The following STXBP2 variants were observed in gnomAD, a reference collection of about 807,000 sequenced individuals.
STXBP2 encodes syntaxin-binding protein 2.
Under a neutral mutation model 72.2 loss-of-function variants are expected in STXBP2, and 47 were observed. The observed-to-expected ratio is 0.65, with a 90% CI of 0.51 to 0.83. The LOEUF is 0.83. Among genes scored for constraint, STXBP2 ranks in the 40% least tolerant of loss-of-function variants. The pLI is 0.00. For missense variants in STXBP2, 702 were observed against 807.6 expected (o/e 0.87, Z 1.58); for synonymous variants, 367 against 338.7 (o/e 1.08, Z -0.92).
intron 15 of STXBP2, chr19:7,645,512 AG>A: frequency 1.7e-6 from 1 of 573,864 alleles, no homozygotes; most frequent in Non-Finnish European, 3.1e-6. Context: ...CACAATAGGC[AG>A]GGGAAGTGAG....
chr19:7,630,565 CA>C, the STXBP2 span: 2 of 1,535,326 alleles, frequency 1.3e-6, no homozygotes, highest in South Asian at 2.4e-5. Context: ...CACCCTCTGC[CA>C]TTCCAGATGA....
At chr19:7,629,948 G>A in the STXBP2 span, 4 of 1,383,888 alleles carry the variant, frequency 2.9e-6, no homozygotes, top group Non-Finnish European at 3.8e-6. Flanking sequence ...GACTTCAAAG[G>A]AAGAGGGAGC....
intron 4 of STXBP2, 71 bp from the exon 5 acceptor site, chr19:7,640,660 C>T (rs1028098467): frequency 3.8e-6 from 6 of 1,597,788 alleles, no homozygotes; most frequent in Non-Finnish European, 4.3e-6. Context: ...TGGGGGGTGG[C>T]TGGGAGGCCT....
At chr19:7,641,989 ACCCCATC>A (rs1178146713) in intron 7 of STXBP2, 38 bp from the exon 8 acceptor site, 1 of 1,610,914 alleles carries the variant, frequency 6.2e-7, no homozygotes, top group South Asian at 1.1e-5. Context: ...CCCATCCTTG[ACCCCATC>A]CCCTGATGAT....
At chr19:7,644,464 C>T (rs1306131143) in intron 13 of STXBP2, 150 bp from the exon 14 acceptor site, 1 of 1,038,714 alleles carries the variant, frequency 9.6e-7, no homozygotes, top group African/African-American at 1.6e-5. Flanking sequence ...TGTCCCTGGA[C>T]AGGGGTGGGA....
chr19:7,646,614 A>T, intron 16 of STXBP2: 1 of 538,690 alleles, frequency 1.9e-6, no homozygotes, highest in Non-Finnish European at 3.4e-6. Context: ...CCTGTCCCGC[A>T]GGAGTGCCCC....
At chr19:7,644,545 T>G (rs990951912) in intron 13 of STXBP2, 69 bp from the exon 14 acceptor site, 7 of 1,595,756 alleles carry the variant, frequency 4.4e-6, no homozygotes, top group Non-Finnish European at 5.1e-6. Flanking sequence ...GGGGATGTCC[T>G]TGGCCCGCCT....
In STXBP2 at chr19:7,640,281, C is replaced by T. The variant is rs546131747; in HGVS notation, c.247-450C>T. ...GTGTGTATGCGTGTATATGTATGTGCATCTGTGTGCATGTGTCTATGTATG... is the reference window on the plus strand; with the variant it reads ...GTGTGTATGCGTGTATATGTATGTGTATCTGTGTGCATGTGTCTATGTATG... On this transcript the variant is annotated intron_variant, in intron 4 of 18. Coordinates refer to ENST00000221283, the MANE Select transcript of STXBP2 (RefSeq NM_006949.4). 1.8e-4 allele frequency: 91 copies of T among 499,596 alleles called. No homozygotes were observed. In the African/African-American group the frequency reaches 1.9e-3, roughly 10 times the overall value. The allele number at this position is 499,596 out of a possible 1,614,324, so 30.9% of individuals were successfully genotyped here. A position where few individuals can be genotyped will look rare whatever the true frequency, so the allele number is the denominator to read the frequency against.
In STXBP2 at chr19:7,643,003, C is replaced by G; in HGVS notation, c.981C>G (p.Ser327=). The part of the protein sequence containing the change: ...TTDKANIKDL[S]QILKKMPQYQ... ...CCCAGGCGAACATCAAAGACCTATC[C>G]CAGATCCTGAAAAAGATGCCGCAGT... The change falls in exon 12 of 19, where the codon TCC becomes TCG. Residue 327 remains serine, a synonymous_variant. Coordinates refer to ENST00000221283, the MANE Select transcript of STXBP2 (RefSeq NM_006949.4). 2.5e-6 allele frequency: 4 copies of G among 1,614,142 alleles called. No individual in the cohort carries two copies. The highest frequency in any genetic ancestry group is 3.4e-6 in the Non-Finnish European group (4 of 1,180,020).
rs1783721459 is a variant in STXBP2 at position 7,640,962 on chromosome 19, T to C, written c.388T>C (p.Leu130=). 2 of 1,614,174 alleles carry C rather than the reference T, an allele frequency of 1.2e-6. No homozygotes were observed. The highest frequency in any genetic ancestry group is 2.7e-5 in the African/African-American group (2 of 75,038). The change falls in exon 6 of 19, where the codon TTG becomes CTG. Residue 130 remains leucine (L), a synonymous_variant. Transcript: ENST00000221283. Reference sequence around the variant, plus strand: ...TCGTCTGGCAAAGGTGGTGAAGACGTTGAAGGAGATTCACCTTGCCTTCCT... The same window carrying C: ...TCGTCTGGCAAAGGTGGTGAAGACGCTGAAGGAGATTCACCTTGCCTTCCT... ...RSRLAKVVKT[L]KEIHLAFLPY...
chr19:7,643,482 G>A (rs561641797), intron 13 of STXBP2, among the ~76,000 whole-genome samples: 3 of 152,266 alleles, frequency 2.0e-5, no homozygotes, highest in South Asian at 4.1e-4. Flanking sequence ...GTCAGACTTG[G>A]GTGAGGGGCA....
chr19:7,632,817 T>C, upstream of STXBP2: 2 of 1,554,284 alleles, frequency 1.3e-6, no homozygotes, highest in Non-Finnish European at 1.7e-6. The surrounding 1 kb of genome is among the most constrained non-coding windows in gnomAD (Gnocchi z 5.2). Context: ...GCCCTCCTGG[T>C]CTGGGGAGCC....
intron 4 of STXBP2, chr19:7,640,402 A>C: frequency 1.8e-6 from 1 of 544,974 alleles, no homozygotes; most frequent in Non-Finnish European, 3.3e-6. Context: ...ATGTGTGTAT[A>C]TGTGTGTATG....
the STXBP2 span, chr19:7,630,314 T>C: frequency 1.8e-6 from 1 of 546,594 alleles, no homozygotes; most frequent in South Asian, 2.2e-5. Flanking sequence ...TGATTGTAGC[T>C]GGGGCGTCTG....
chr19:7,640,318 G>A, intron 4 of STXBP2: 2 of 558,318 alleles, frequency 3.6e-6, no homozygotes, highest in South Asian at 1.6e-5. Context: ...GTGTGCATCT[G>A]TGTGTGCGTG....
upstream of STXBP2, chr19:7,633,018 C>T (rs550182399): frequency 3.7e-5 from 53 of 1,431,378 alleles, no homozygotes; most frequent in East Asian, 6.8e-4. Context: ...TTCCCAATCC[C>T]GGCCCCCGCC....
chr19:7,637,674 T>G (rs1220894728), intron 1 of STXBP2, among the ~76,000 whole-genome samples: 2 of 152,114 alleles, frequency 1.3e-5, no homozygotes, highest in African/African-American at 4.8e-5. Flanking sequence ...CAGGAGCGCC[T>G]TGCAGCTGGA....
At chr19:7,633,259 A>G, upstream of STXBP2, 3 of 876,466 alleles carry the variant, frequency 3.4e-6, no homozygotes, top group Admixed American at 7.8e-5. Context: ...TCAGACCCCC[A>G]AGCCCACCAG....
upstream of STXBP2, chr19:7,633,787 G>A: frequency 2.7e-6 from 1 of 365,362 alleles, no homozygotes; most frequent in East Asian, 5.1e-5. Context: ...TTGGAGAAGG[G>A]AGGCCAACAG....
Sources: gnomAD v4.1 joint callset for allele counts (sites outside exome capture counted in the v4.1 genomes callset) on GRCh38, gnomAD v4.1.1 for gene constraint, Gnocchi (gnomAD v3.1) non-coding constraint, MANE v1.5 for transcripts, NCBI Gene and HGNC (gene_info 2026-07-23, HGNC 2026-07-21) for gene names.